The following SRGAP3 variants were observed in gnomAD, a reference collection of about 807,000 sequenced individuals.
The protein encoded by SRGAP3 is SLIT-ROBO Rho GTPase-activating protein 3.
SRGAP3 carries 39 observed loss-of-function variants against 121.1 expected under a neutral mutation model. The ratio of observed to expected loss-of-function variants is 0.32; its 90% CI spans 0.25 to 0.42. SRGAP3 has a LOEUF of 0.42. Ranked by LOEUF, SRGAP3 falls within the 10% of genes least tolerant of loss-of-function variation. The pLI is 1.00. For missense variants in SRGAP3, 1,213 were observed against 1,470.6 expected (o/e 0.82, Z 2.86); for synonymous variants, 601 against 570.0 (o/e 1.05, Z -0.77).
At chr3:9,257,142 TA>T (rs1954148448) in intron 3 of SRGAP3, 4 of 315,042 alleles carry the variant, frequency 1.3e-5, no homozygotes, top group African/African-American at 2.1e-5. Context: ...ATTTACACCT[TA>T]TATTTTTTTA....
rs267599945 is a variant in SRGAP3, at chr3:8,994,460, G to A, written c.2291C>T (p.Ser764Phe). The part of the protein sequence containing the change: ...DYMGRSPREL[S>F]FKKGASLLLY... ...GAGCAGCGAGGCCCCCTTCTTGAAGGATAGCTCACGCGGGGACCGCCCCAT... is the reference window on the plus strand; with the variant it reads ...GAGCAGCGAGGCCCCCTTCTTGAAGAATAGCTCACGCGGGGACCGCCCCAT... The change falls in exon 19 of 22, where the codon TCC (serine) becomes TTC (phenylalanine). Residue 764 changes from serine to phenylalanine, a missense_variant. Physicochemically the swap from Ser to Phe is radical, Grantham distance 155. Around this residue, in one of 2 missense-constraint regions of SRGAP3, gnomAD observed 793 missense variants for 1,032.9 expected, o/e 0.77. Transcript: ENST00000383836. 1 of 1,614,220 alleles carries A rather than the reference G, an allele frequency of 6.2e-7. No homozygotes were observed. Among genetic ancestry groups the A allele is most frequent in the East Asian group, 2.2e-5 (1 of 44,884 alleles).
At chr3:9,092,172 A>T (rs1319431737) in intron 3 of SRGAP3, among the ~76,000 whole-genome samples, 1 of 151,826 alleles carries the variant, frequency 6.6e-6, no homozygotes, top group Non-Finnish European at 1.5e-5. Context: ...TTTATGCTGA[A>T]AGCTTCACTT....
At position 8,981,399 on chromosome 3, in the gene SRGAP3, G is replaced by A. The variant is rs60465492; in HGVS notation, c.*4120C>T. 7.3e-3 allele frequency: 1,699 copies of A among 232,722 alleles called. 22 individuals are homozygous for A. Among genetic ancestry groups the A allele is most frequent in the African/African-American group, 0.034 (1,533 of 45,412 alleles). The allele number at this position is 232,722 out of a possible 1,614,324, so 14.4% of individuals were successfully genotyped here. On this transcript the variant is annotated 3_prime_UTR_variant, in exon 22 of 22. Coordinates refer to ENST00000383836, the MANE Select transcript of SRGAP3 (RefSeq NM_014850.4). ...TGTGAGCCAGCCACTCTTCTTTCTG[G>A]GTTTCTCAGGAGAGTGAGGCATTTG...
At chr3:9,264,349 T>C (rs765393643) in intron 3 of SRGAP3, among the ~76,000 whole-genome samples, 3 of 152,076 alleles carry the variant, frequency 2.0e-5, no homozygotes, top group African/African-American at 4.8e-5. Context: ...CTATTAAACA[T>C]AGTATTGGAA....
chr3:9,280,005 C>T (rs917095859), intron 3 of SRGAP3, among the ~76,000 whole-genome samples: 4 of 152,206 alleles, frequency 2.6e-5, no homozygotes, highest in African/African-American at 7.2e-5. Flanking sequence ...GGAGCCAGTG[C>T]CTCTGGCATT....
chr3:8,989,907 T>G (rs983605205), intron 21 of SRGAP3, among the ~76,000 whole-genome samples: 1 of 152,200 alleles, frequency 6.6e-6, no homozygotes, highest in Non-Finnish European at 1.5e-5. Context: ...CAGAGAAGTC[T>G]CTCCCTGCCT....
intron 3 of SRGAP3, among the ~76,000 whole-genome samples, chr3:9,275,882 G>A (rs950110198): frequency 6.6e-6 from 1 of 152,064 alleles, no homozygotes; most frequent in Non-Finnish European, 1.5e-5. Flanking sequence ...GATACTAAGG[G>A]AGGGTAGAAT....
intron 1 of SRGAP3, chr3:9,348,883 G>A: frequency 2.6e-6 from 3 of 1,141,792 alleles, no homozygotes; most frequent in Non-Finnish European, 4.0e-6. Flanking sequence ...CTGAAGATCA[G>A]CTACCCTCCT....
chr3:9,344,182 C>G (rs1254408643), intron 1 of SRGAP3, among the ~76,000 whole-genome samples: 1 of 151,960 alleles, frequency 6.6e-6, no homozygotes, highest in Admixed American at 6.6e-5. Context: ...TGGCTGGGCA[C>G]GGTGGCTCAC....
chr3:9,242,077 CAAAAAAAA>C (rs142186507), intron 1 of SRGAP3, among the ~76,000 whole-genome samples: 886 of 68,512 alleles, frequency 0.013, 4 homozygotes, highest in Middle Eastern at 0.031. Context: ...CACCCTAATT[CAAAAAAAA>C]AAAAAAAAAA....
Position 9,013,366 on chromosome 3 carries a change from G to A in SRGAP3, c.2089C>T (p.Pro697Ser). 1 of 1,614,058 alleles carries A rather than the reference G, an allele frequency of 6.2e-7. No individual in the cohort carries two copies. Among genetic ancestry groups the A allele is most frequent in the South Asian group, 1.1e-5 (1 of 91,046 alleles). Reference protein sequence around the residue: ...IIHHEAIFPSPRELEGPVYEK... With the variant: ...IIHHEAIFPSSRELEGPVYEK... ...TACACAGGTCCCTCTAGCTCCCGGG[G>A]GCTGGGGAAGATGGCTTCATGATGG... The change falls in exon 17 of 22, where the codon CCC becomes TCC. Residue 697 changes from proline to serine, a missense_variant. Pro to Ser is a moderately conservative substitution (Grantham distance 74). Around this residue, in one of 2 missense-constraint regions of SRGAP3, gnomAD observed 793 missense variants for 1,032.9 expected, o/e 0.77. Coordinates refer to ENST00000383836, the MANE Select transcript of SRGAP3 (RefSeq NM_014850.4).
intron 3 of SRGAP3, among the ~76,000 whole-genome samples, chr3:9,292,199 T>TC (rs1954881523): frequency 6.6e-6 from 1 of 152,198 alleles, no homozygotes; most frequent in South Asian, 2.1e-4. Flanking sequence ...TGCATCAGAA[T>TC]CCCCCAGAGG....
rs142195661 is a variant in SRGAP3 at position 9,113,463 on chromosome 3, G to A, written c.261-8621C>T. Among the ~76,000 whole-genome samples, 289 of 152,208 alleles carry A rather than the reference G, an allele frequency of 1.9e-3. 2 individuals are homozygous for A. Among genetic ancestry groups the A allele is most frequent in the African/African-American group, 5.4e-3 (224 of 41,534 alleles). ...TGTAAAGATACACACCAGTCATGTC[G>A]GATTAGGGCCCTTCCCAATGACCTC... On this transcript the variant is annotated intron_variant, in intron 2 of 21. Coordinates refer to ENST00000383836, the MANE Select transcript of SRGAP3 (RefSeq NM_014850.4).
intron 20 of SRGAP3, among the ~76,000 whole-genome samples, chr3:8,991,052 A>G (rs1942027935): frequency 6.6e-6 from 1 of 152,172 alleles, no homozygotes; most frequent in African/African-American, 2.4e-5. Flanking sequence ...GTAAACATGA[A>G]AGCATTTGGA....
chr3:9,002,226 A>T (rs1017022976), intron 18 of SRGAP3, among the ~76,000 whole-genome samples: 20 of 152,234 alleles, frequency 1.3e-4, no homozygotes, highest in Non-Finnish European at 2.5e-4. Context: ...CTACCACAGT[A>T]GGATAAAATT....
In SRGAP3 at chr3:9,249,615, C is replaced by A; in HGVS notation, c.-664G>T. ...CGAGATGGAAGTTTTCCTGCTGCAA[C>A]GCTTAAGCTCCGGTGAACACAAGGC... On this transcript the variant is annotated 5_prime_UTR_variant, in exon 1 of 22. Transcript: ENST00000383836. The A allele has an allele frequency of 4.2e-6, 1 of 237,718 alleles. No homozygotes were observed. Among genetic ancestry groups the A allele is most frequent in the Non-Finnish European group, 8.3e-6 (1 of 120,520 alleles). 14.7% of individuals were successfully genotyped at this position (237,718 alleles called of 1,614,324 possible). A position where few individuals can be genotyped will look rare whatever the true frequency, so the allele number is the denominator to read the frequency against.
intron 15 of SRGAP3, 101 bp from the exon 16 acceptor site, chr3:9,013,943 G>A (rs1943501197): frequency 5.7e-6 from 6 of 1,056,134 alleles, no homozygotes; most frequent in South Asian, 2.6e-5. Context: ...CGTGGATGGG[G>A]GAGCCAGCTC....
At chr3:9,063,501 T>A (rs539832920) in intron 5 of SRGAP3, among the ~76,000 whole-genome samples, 1 of 151,658 alleles carries the variant, frequency 6.6e-6, no homozygotes, top group South Asian at 2.1e-4. Flanking sequence ...TCAAATTCTT[T>A]GCCTTTTTTT....
In SRGAP3 at chr3:9,010,419, C is replaced by A. The variant is rs768433120; in HGVS notation, c.2148-32G>T. 6.2e-6 allele frequency: 10 copies of A among 1,613,124 alleles called. No individual in the cohort carries two copies. In the South Asian group the frequency reaches 7.7e-5, roughly 12 times the overall value. ...GGAAACACGGGAATGGGACTCACTG[C>A]GGGGGGTTATCTACCCTCACAGCAC... On this transcript the variant is annotated intron_variant, in intron 17 of 21. Transcript: ENST00000383836.
Sources: allele counts gnomAD v4.1 joint callset (sites outside exome capture counted in the v4.1 genomes callset), GRCh38; gene constraint gnomAD v4.1.1; regional missense constraint gnomAD v4.1.1; transcripts MANE v1.5; gene names NCBI Gene and HGNC (gene_info 2026-07-23, HGNC 2026-07-21).